WASL: variants seen among roughly 807,000 people sequenced by gnomAD.
WASL encodes WASP like actin nucleation promoting factor.
Under a neutral mutation model 55.5 loss-of-function variants are expected in WASL, and 20 were observed. That is an observed-to-expected ratio of 0.36 (90% CI 0.25 to 0.52). The LOEUF (loss-of-function observed/expected upper bound fraction) is 0.52, where lower values mean the gene tolerates loss of function less well. Ranked by LOEUF, WASL falls within the 20% of genes least tolerant of loss-of-function variation. The pLI is 0.92. For synonymous variants in WASL, 249 were observed against 217.6 expected, an observed-to-expected ratio of 1.14 and a Z score of -1.27; for missense variants, 504 against 622.5, an observed-to-expected ratio of 0.81 and a Z score of 2.03.
chr7:123,707,441 T>G (rs1324675065), intron 2 of WASL, among the ~76,000 whole-genome samples: 1 of 152,186 alleles, frequency 6.6e-6, no homozygotes, highest in African/African-American at 2.4e-5. Context: ...GGTTAAACTA[T>G]GGATAAGAGT....
intron 1 of WASL, among the ~76,000 whole-genome samples, chr7:123,709,747 A>C (rs1047333654): frequency 1.2e-4 from 19 of 152,202 alleles, no homozygotes; most frequent in Non-Finnish European, 1.6e-4. Context: ...AAAGCAGTTA[A>C]GCACTTATCT....
rs116850683 is a variant in WASL at position 123,734,016 on chromosome 7, G to A, written c.117+14602C>T. ...AGATCTAAATGTCAATTGCAAAACT[G>A]TAAGAGTTCTAGAAGAGAACATAAA... is the stretch of plus-strand genomic sequence containing the variant. On this transcript the variant is annotated intron_variant, in intron 1 of 10. Coordinates refer to ENST00000223023, the MANE Select transcript of WASL (RefSeq NM_003941.4). Among the ~76,000 whole-genome samples the A allele has an allele frequency of 4.8e-3, 735 of 151,648 alleles. 3 individuals carry two copies. Among genetic ancestry groups the A allele is most frequent in the Non-Finnish European group, 6.2e-3 (419 of 67,926 alleles).
At chr7:123,700,522 C>A (rs1161125232) in intron 5 of WASL, among the ~76,000 whole-genome samples, 1 of 152,070 alleles carries the variant, frequency 6.6e-6, no homozygotes, top group East Asian at 2.0e-4. Context: ...CTCACTGCAA[C>A]CTTCACCTCC....
At chr7:123,701,846 TTGTG>T (rs1160747804) in intron 5 of WASL, among the ~76,000 whole-genome samples, 1 of 152,006 alleles carries the variant, frequency 6.6e-6, no homozygotes, top group Non-Finnish European at 1.5e-5. Context: ...ATTTCATTCT[TTGTG>T]TATTAATATA....
intron 9 of WASL, 93 bp from the exon 10 acceptor site, chr7:123,689,243 T>C (rs1019889236): frequency 2.1e-5 from 21 of 1,018,006 alleles, no homozygotes; most frequent in African/African-American, 4.8e-5. Context: ...TCACTTCTTA[T>C]TGTAAAAGAC....
intron 1 of WASL, among the ~76,000 whole-genome samples, chr7:123,714,396 T>A (rs571769015): frequency 6.6e-6 from 1 of 151,842 alleles, no homozygotes; most frequent in Non-Finnish European, 1.5e-5. Context: ...AAAAAGAATA[T>A]GGCAATGACA....
intron 9 of WASL, 91 bp from the exon 10 acceptor site, chr7:123,689,241 T>A: frequency 9.5e-7 from 1 of 1,051,898 alleles, no homozygotes; most frequent in Non-Finnish European, 1.4e-6. Context: ...AATCACTTCT[T>A]ATTGTAAAAG....
Position 123,684,564 on chromosome 7 carries a change from TTCA to T in WASL, c.1470_1472del (p.Asp490del). The T allele has an allele frequency of 7.7e-6, 11 of 1,430,700 alleles. No individual in the cohort carries two copies. Among genetic ancestry groups the T allele is most frequent in the Non-Finnish European group, 1.1e-5 (11 of 1,045,526 alleles). 88.6% of individuals were successfully genotyped at this position (1,430,700 alleles called of 1,614,324 possible). A position where few individuals can be genotyped will look rare whatever the true frequency, so the allele number is the denominator to read the frequency against. ...CATCCTCAAAATCTTCTTCATCATC[TTCA>T]TCTTCATCTTCATCTACAAGAAAAT... On this transcript the variant is annotated inframe_deletion, in exon 11 of 11. Coordinates refer to ENST00000223023, the MANE Select transcript of WASL (RefSeq NM_003941.4).
At chr7:123,704,760 G>T (rs1314315928) in intron 4 of WASL, 103 bp from the exon 5 acceptor site, 2 of 695,332 alleles carry the variant, frequency 2.9e-6, no homozygotes, top group East Asian at 3.5e-5. Context: ...ATTGACATAC[G>T]TGTGACTAAG....
At chr7:123,720,382 AAGAT>A (rs1251688578) in intron 1 of WASL, 1 of 439,918 alleles carries the variant, frequency 2.3e-6, no homozygotes, top group African/African-American at 2.1e-5. Flanking sequence ...AAGTAATGAT[AAGAT>A]GAACAAGATA....
chr7:123,737,336 G>C (rs566502920), intron 1 of WASL, among the ~76,000 whole-genome samples: 1 of 152,168 alleles, frequency 6.6e-6, no homozygotes, highest in South Asian at 2.1e-4. Flanking sequence ...GGTGGCTCAC[G>C]CCTGTAATCC....
At chr7:123,705,424 T>G (rs1253966667) in intron 4 of WASL, among the ~76,000 whole-genome samples, 1 of 152,234 alleles carries the variant, frequency 6.6e-6, no homozygotes, top group African/African-American at 2.4e-5. Context: ...TAAAGGCTAT[T>G]CTGCCACTTG....
At chr7:123,702,578 G>C (rs1803609430) in intron 5 of WASL, among the ~76,000 whole-genome samples, 1 of 152,110 alleles carries the variant, frequency 6.6e-6, no homozygotes, top group South Asian at 2.1e-4. Flanking sequence ...AAAAATGGAT[G>C]GGTCCATCTG....
In WASL at chr7:123,711,341, A is replaced by T. The variant is rs137873317; in HGVS notation, c.118-2118T>A. Among the ~76,000 whole-genome samples, 4 of 152,330 alleles carry T rather than the reference A, an allele frequency of 2.6e-5. No individual in the cohort carries two copies. In the East Asian group the frequency reaches 7.7e-4, roughly 29 times the overall value. ...ACCTTTAGATAAACTTAAATTCTTAAAACACTTGCTTAAGAAATAAAGACT... is the reference window on the plus strand; with the variant it reads ...ACCTTTAGATAAACTTAAATTCTTATAACACTTGCTTAAGAAATAAAGACT... On this transcript the variant is annotated intron_variant, in intron 1 of 10. Transcript: ENST00000223023.
At chr7:123,725,891 T>C (rs1006102129) in intron 1 of WASL, among the ~76,000 whole-genome samples, 1 of 152,170 alleles carries the variant, frequency 6.6e-6, no homozygotes, top group Non-Finnish European at 1.5e-5. Context: ...AAAATTTTTA[T>C]TCAACACTAA....
chr7:123,729,458 G>A (rs117921193), intron 1 of WASL, among the ~76,000 whole-genome samples: 3,037 of 152,184 alleles, frequency 0.02, 51 homozygotes, highest in Non-Finnish European at 0.031. Flanking sequence ...TTTTAAGTAA[G>A]TCACCTGACT....
chr7:123,744,953 T>G (rs1357726828), intron 1 of WASL, among the ~76,000 whole-genome samples: 2 of 152,190 alleles, frequency 1.3e-5, no homozygotes, highest in Non-Finnish European at 2.9e-5. Flanking sequence ...AAATCTCAAT[T>G]TCCACAAAAT....
chr7:123,731,528 C>T (rs1214664580), intron 1 of WASL, among the ~76,000 whole-genome samples: 1 of 151,968 alleles, frequency 6.6e-6, no homozygotes, highest in Admixed American at 6.6e-5. Flanking sequence ...ACATATGGAA[C>T]GATCACCAAG....
At chr7:123,702,056 T>A (rs1052218472) in intron 5 of WASL, among the ~76,000 whole-genome samples, 2 of 151,852 alleles carry the variant, frequency 1.3e-5, no homozygotes, top group Non-Finnish European at 2.9e-5. Flanking sequence ...AAACTACATT[T>A]AATTCTTTTT....
Sources: gnomAD v4.1 joint callset for allele counts (sites outside exome capture counted in the v4.1 genomes callset) on GRCh38, gnomAD v4.1.1 for gene constraint, MANE v1.5 for transcripts, NCBI Gene and HGNC (gene_info 2026-07-23, HGNC 2026-07-21) for gene names.